The following IMPG1 variants were observed in gnomAD, a reference collection of about 807,000 sequenced individuals.
IMPG1 encodes interphotoreceptor matrix proteoglycan of 150 kDa.
In IMPG1, 85 loss-of-function variants were observed where a neutral mutation model predicts 92.0. The observed-to-expected ratio is 0.92, with a 90% CI of 0.78 to 1.11. IMPG1 has a LOEUF of 1.11. Ranked by LOEUF, IMPG1 falls within the 50% of genes least tolerant of loss-of-function variation. IMPG1 has a pLI of 0.00. For synonymous variants in IMPG1, 367 were observed against 334.1 expected (o/e 1.10, Z -1.08); for missense variants, 1,022 against 956.0 (o/e 1.07, Z -0.91).
intron 16 of IMPG1, among the ~76,000 whole-genome samples, chr6:75,923,023 CA>C (rs1370240672): frequency 6.6e-6 from 1 of 151,854 alleles, no homozygotes; most frequent in Non-Finnish European, 1.5e-5. Context: ...AAAGATTGTC[CA>C]AGGTTTTTTC....
In IMPG1 at chr6:75,967,089, G is replaced by T. The variant is rs113458699; in HGVS notation, c.1292-15995C>A. 5.3e-3 allele frequency among the ~76,000 whole-genome samples: 805 copies of T among 152,230 alleles called. 6 individuals carry two copies. The highest frequency in any genetic ancestry group is 0.02 in the South Asian group (94 of 4,814). ...AGCTACTTGGGAGGCTGAGGCAAGA[G>T]AATCACTTGAACCGGAAGGTGGAGG... On this transcript the variant is annotated intron_variant, in intron 12 of 16. Coordinates refer to ENST00000369950, the MANE Select transcript of IMPG1 (RefSeq NM_001563.4).
Position 76,034,639 on chromosome 6 carries a change from G to T in IMPG1, c.450C>A (p.His150Gln), listed in dbSNP as rs2149488000. The change falls in exon 3 of 17, where the codon CAC becomes CAA. Residue 150 changes from histidine (H) to glutamine (Q), a missense_variant. This residue lies in a region of IMPG1 where 681 missense variants were observed against 583.6 expected (regional missense o/e 1.17). Transcript: ENST00000369950. ...GGCTCACCTGCTGGAGAAGATCCAG[G>T]TGCTCCTGGGAATTGCTGAAGTTTT... The part of the protein sequence containing the change: ...IGKNFSNSQE[H>Q]LDLLQQRIKQ... 1.2e-6 allele frequency: 2 copies of T among 1,614,152 alleles called. No homozygotes were observed. The highest frequency in any genetic ancestry group is 2.2e-5 in the South Asian group (2 of 91,084).
chr6:76,020,968 G>C (rs1406547918), intron 6 of IMPG1, among the ~76,000 whole-genome samples: 3 of 152,270 alleles, frequency 2.0e-5, no homozygotes, highest in Non-Finnish European at 2.9e-5. Context: ...GTAAAAATTT[G>C]CATCTGTAAA....
At chr6:76,034,822 G>T (rs1329514434) in intron 2 of IMPG1, 35 bp from the exon 3 acceptor site, 1 of 1,583,534 alleles carries the variant, frequency 6.3e-7, no homozygotes, top group African/African-American at 1.3e-5. Context: ...CATGCCCTAA[G>T]AGGGTCCCCG....
intron 12 of IMPG1, among the ~76,000 whole-genome samples, chr6:75,961,460 TAAAATATATAAGTGATCAAAGATA>T (rs1376496778): frequency 6.6e-6 from 1 of 152,190 alleles, no homozygotes; most frequent in Non-Finnish European, 1.5e-5. Context: ...TTCCAGGTGC[TAAAATATATAAGTGATCAAAGATA>T]AAATTCTGGC....
chr6:75,950,499 T>C (rs1782004047), intron 13 of IMPG1, 63 bp downstream of exon 13: 4 of 1,376,666 alleles, frequency 2.9e-6, no homozygotes, highest in Non-Finnish European at 2.9e-6. Context: ...ATAATTATAT[T>C]ATAAAATAAC....
chr6:75,947,028 C>G (rs1442175960), intron 14 of IMPG1, among the ~76,000 whole-genome samples: 1 of 152,246 alleles, frequency 6.6e-6, no homozygotes, highest in Admixed American at 6.5e-5. Context: ...AACTCTTAAA[C>G]ACAGCAAAAG....
chr6:75,987,184 G>A (rs915768249), intron 12 of IMPG1, among the ~76,000 whole-genome samples: 34 of 152,034 alleles, frequency 2.2e-4, no homozygotes, highest in African/African-American at 8.2e-4. Flanking sequence ...TGGGAGGGGT[G>A]TTCAGTGAAA....
chr6:76,012,808 A>ATCTGCCCAAACCAGAGCCATTCTCT (rs1783210594), intron 7 of IMPG1, among the ~76,000 whole-genome samples: 2 of 152,166 alleles, frequency 1.3e-5, no homozygotes, highest in Non-Finnish European at 2.9e-5. Context: ...CACTAAATGA[A>ATCTGCCCAAACCAGAGCCATTCTCT]TCTGCCCAAA....
chr6:75,965,606 C>CT lies in IMPG1; in HGVS notation c.1292-14513dup, dbSNP rs35490140. ...TGTTTATATTTTCTACATACTTGTT[C>CT]TTTTTTTTTTTTTTTTTTTGAGACG... is the stretch of plus-strand genomic sequence containing the variant. On this transcript the variant is annotated intron_variant, in intron 12 of 16. Coordinates refer to ENST00000369950, the MANE Select transcript of IMPG1 (RefSeq NM_001563.4). 9.1e-3 allele frequency among the ~76,000 whole-genome samples: 1,022 copies of CT among 112,490 alleles called. 86 individuals carry two copies. The highest frequency in any genetic ancestry group is 0.08 in the East Asian group (305 of 3,802). 73.8% of individuals were successfully genotyped at this position (112,490 alleles called of 152,430 possible). A position where few individuals can be genotyped will look rare whatever the true frequency, so the allele number is the denominator to read the frequency against.
intron 12 of IMPG1, among the ~76,000 whole-genome samples, chr6:75,966,125 C>G (rs1383708240): frequency 6.6e-6 from 1 of 152,102 alleles, no homozygotes; most frequent in African/African-American, 2.4e-5. Flanking sequence ...TTCTCTTTAC[C>G]TTTCAGAGCC....
chr6:76,040,058 T>C (rs998657740), intron 2 of IMPG1, among the ~76,000 whole-genome samples: 4 of 152,194 alleles, frequency 2.6e-5, no homozygotes, highest in African/African-American at 7.2e-5. Flanking sequence ...CTGGGTCTTA[T>C]TTCTTGTTTC....
intron 12 of IMPG1, among the ~76,000 whole-genome samples, chr6:75,981,052 T>A (rs951473138): frequency 1.3e-5 from 2 of 152,164 alleles, no homozygotes; most frequent in African/African-American, 4.8e-5. Context: ...ATGGGGAAAT[T>A]TAGTGATGAA....
At chr6:76,058,220 T>C (rs566889230) in intron 1 of IMPG1, among the ~76,000 whole-genome samples, 1 of 152,234 alleles carries the variant, frequency 6.6e-6, no homozygotes, top group African/African-American at 2.4e-5. Context: ...GAAATAACAT[T>C]AGCAAAGACA....
chr6:76,068,513 T>TC lies in IMPG1; in HGVS notation c.67+3908_67+3909insG, dbSNP rs199675499. ...CAATATTTTTAAAATGTCCATACTT[T>TC]TTTTTTTTTTTTTTTTTTGGAGACA... is the stretch of plus-strand genomic sequence containing the variant. On this transcript the variant is annotated intron_variant, in intron 1 of 16. Coordinates refer to ENST00000369950, the MANE Select transcript of IMPG1 (RefSeq NM_001563.4). Among the ~76,000 whole-genome samples, 34 of 132,874 alleles carry TC rather than the reference T, an allele frequency of 2.6e-4. 1 individual carries two copies. Among genetic ancestry groups the TC allele is most frequent in the East Asian group, 1.4e-3 (6 of 4,440 alleles). The allele number at this position is 132,874 out of a possible 152,430, so 87.2% of individuals were successfully genotyped here.
chr6:76,029,460 G>A (rs1783615619), intron 4 of IMPG1, among the ~76,000 whole-genome samples: 2 of 152,208 alleles, frequency 1.3e-5, no homozygotes, highest in East Asian at 3.8e-4. Flanking sequence ...AATGAGGACT[G>A]GAGAGAGGGA....
intron 12 of IMPG1, among the ~76,000 whole-genome samples, chr6:75,955,956 G>C (rs1015561874): frequency 2.6e-5 from 4 of 152,192 alleles, no homozygotes; most frequent in African/African-American, 9.7e-5. Flanking sequence ...GAGCTGACTT[G>C]ATCGTGGTGG....
chr6:75,954,400 A>G (rs1782083139), intron 12 of IMPG1, among the ~76,000 whole-genome samples: 1 of 152,212 alleles, frequency 6.6e-6, no homozygotes. Flanking sequence ...TGTTGGCCGC[A>G]TAAATGTCTC....
chr6:75,949,975 T>C (rs1403975772), intron 13 of IMPG1, among the ~76,000 whole-genome samples: 2 of 152,214 alleles, frequency 1.3e-5, no homozygotes, highest in Non-Finnish European at 1.5e-5. Context: ...GTATTTCTTA[T>C]TGTATATGTA....
Sources: gnomAD v4.1 joint callset for allele counts (sites outside exome capture counted in the v4.1 genomes callset) on GRCh38, gnomAD v4.1.1 for gene constraint, gnomAD v4.1.1 regional missense constraint, MANE v1.5 for transcripts, NCBI Gene and HGNC (gene_info 2026-07-23, HGNC 2026-07-21) for gene names.